The following C3orf49 variants were observed in gnomAD, a reference collection of about 807,000 sequenced individuals.
C3orf49 encodes the protein putative uncharacterized protein C3orf49.
Under a neutral mutation model 13.3 loss-of-function variants are expected in C3orf49, and 27 were observed. That is an observed-to-expected ratio of 2.02 (90% CI 1.49 to 2.79). The LOEUF is 2.79. Among genes scored for constraint, C3orf49 ranks in the 30% most tolerant of loss-of-function variants. The probability of loss-of-function intolerance (pLI) is 0.00; values close to 1 mark genes in which losing one functional copy is unlikely to be tolerated. For synonymous variants in C3orf49, 87 were observed against 47.6 expected (o/e 1.83, Z -3.40); for missense variants, 242 against 134.2 (o/e 1.80, Z -3.97).
At chr3:63,785,065 CTTTT>C in the C3orf49 span, among the ~76,000 whole-genome samples, 1 of 64,942 alleles carries the variant, frequency 1.5e-5, no homozygotes, top group Non-Finnish European at 2.6e-5. Context: ...TCTTCTTCTT[CTTTT>C]TTTTTTTTTT....
chr3:63,838,499 T>C (rs201528327), intron 5 of C3orf49: 1 of 1,584,100 alleles, frequency 6.3e-7, no homozygotes, highest in Admixed American at 2.0e-5. Flanking sequence ...ACTGGCTATA[T>C]CTAATGAAAA....
At chr3:63,786,560 G>C in the C3orf49 span, among the ~76,000 whole-genome samples, 1 of 151,906 alleles carries the variant, frequency 6.6e-6, no homozygotes, top group African/African-American at 2.4e-5. Flanking sequence ...AGCTAAAGAA[G>C]GAAAAAAAAT....
chr3:63,798,641 A>G, the C3orf49 span, among the ~76,000 whole-genome samples: 17 of 152,152 alleles, frequency 1.1e-4, no homozygotes, highest in Non-Finnish European at 2.4e-4. Context: ...GAATCAATAT[A>G]AAGACTGAAA....
chr3:63,826,084 T>C (rs1314745868), intron 2 of C3orf49, among the ~76,000 whole-genome samples: 1 of 152,048 alleles, frequency 6.6e-6, no homozygotes, highest in Non-Finnish European at 1.5e-5. Flanking sequence ...CCAGTGGAGG[T>C]TGGAACACAG....
the C3orf49 span, among the ~76,000 whole-genome samples, chr3:63,804,350 A>G: frequency 4.6e-5 from 7 of 152,174 alleles, no homozygotes; most frequent in Non-Finnish European, 8.8e-5. Flanking sequence ...AAAGCTTCCT[A>G]ACATGGCTCA....
chr3:63,799,843 T>C, the C3orf49 span, among the ~76,000 whole-genome samples: 1 of 152,136 alleles, frequency 6.6e-6, no homozygotes, highest in Non-Finnish European at 1.5e-5. Flanking sequence ...TAGTTTCCTC[T>C]CCATCTAGGG....
At chr3:63,836,405 G>A in intron 5 of C3orf49, 1 of 1,574,816 alleles carries the variant, frequency 6.3e-7, no homozygotes, top group Non-Finnish European at 8.7e-7. Flanking sequence ...TTTTGAATGT[G>A]AATTATCAAA....
At chr3:63,787,865 G>C in the C3orf49 span, among the ~76,000 whole-genome samples, 1 of 152,190 alleles carries the variant, frequency 6.6e-6, no homozygotes, top group African/African-American at 2.4e-5. Flanking sequence ...TTACTGGGGA[G>C]AATGTGTGTC....
chr3:63,835,299 G>A, intron 5 of C3orf49: 1 of 1,613,144 alleles, frequency 6.2e-7, no homozygotes, highest in Non-Finnish European at 8.5e-7. Flanking sequence ...GACAGATCAT[G>A]AAGGCTAAAT....
chr3:63,827,445 G>A, intron 2 of C3orf49, 156 bp from the exon 3 acceptor site: 1 of 554,546 alleles, frequency 1.8e-6, no homozygotes, highest in Non-Finnish European at 3.2e-6. Flanking sequence ...TGTAAGATTG[G>A]GAAGAGCAAA....
chr3:63,837,974 A>G, intron 5 of C3orf49: 1 of 1,606,958 alleles, frequency 6.2e-7, no homozygotes, highest in Non-Finnish European at 8.5e-7. Context: ...CAAAACCCTT[A>G]CCTTGGCGAT....
the C3orf49 span, among the ~76,000 whole-genome samples, chr3:63,796,547 C>T: frequency 2.6e-5 from 4 of 152,224 alleles, no homozygotes; most frequent in South Asian, 2.1e-4. Flanking sequence ...GTTTCTTCCT[C>T]GGGGCCTTTG....
upstream of C3orf49, among the ~76,000 whole-genome samples, chr3:63,814,656 C>G (rs1186984865): frequency 6.6e-6 from 1 of 152,010 alleles, no homozygotes; most frequent in Non-Finnish European, 1.5e-5. Flanking sequence ...AGGGATAGCT[C>G]CAAGCCATGT....
chr3:63,808,146 AC>A, the C3orf49 span, among the ~76,000 whole-genome samples: 2 of 152,290 alleles, frequency 1.3e-5, no homozygotes, highest in African/African-American at 4.8e-5. Flanking sequence ...CTAGAAGACA[AC>A]TGTCACTCAA....
chr3:63,813,170 C>G, the C3orf49 span, among the ~76,000 whole-genome samples: 2 of 152,204 alleles, frequency 1.3e-5, no homozygotes, highest in Admixed American at 6.5e-5. Context: ...TAATCCTCCA[C>G]TGGTAGACAT....
the C3orf49 span, among the ~76,000 whole-genome samples, chr3:63,792,570 A>G: frequency 4.6e-5 from 7 of 152,362 alleles, no homozygotes; most frequent in South Asian, 4.1e-4. Flanking sequence ...GAAGACCAGG[A>G]CACTGGGAGC....
At chr3:63,800,627 A>T in the C3orf49 span, among the ~76,000 whole-genome samples, 6 of 152,138 alleles carry the variant, frequency 3.9e-5, no homozygotes, top group Non-Finnish European at 7.3e-5. Context: ...CTTTATCATC[A>T]TTTCCATTTT....
At chr3:63,793,035 G>A in the C3orf49 span, among the ~76,000 whole-genome samples, 1 of 152,078 alleles carries the variant, frequency 6.6e-6, no homozygotes, top group South Asian at 2.1e-4. Context: ...GTGTAGTGAT[G>A]CCATGAATGG....
At chr3:63,811,111 G>A in the C3orf49 span, among the ~76,000 whole-genome samples, 1 of 152,144 alleles carries the variant, frequency 6.6e-6, no homozygotes, top group Non-Finnish European at 1.5e-5. Flanking sequence ...GCCTCCCAAA[G>A]TGCTGAGATT....
Sources: gnomAD v4.1 joint callset for allele counts (sites outside exome capture counted in the v4.1 genomes callset) on GRCh38, gnomAD v4.1.1 for gene constraint, MANE v1.5 for transcripts, NCBI Gene and HGNC (gene_info 2026-07-23, HGNC 2026-07-21) for gene names.